The following GALNTL6 variants were observed in gnomAD, a reference collection of about 807,000 sequenced individuals.
GALNTL6 encodes the protein polypeptide N-acetylgalactosaminyltransferase-like 6.
A neutral mutation model predicts 73.7 loss-of-function variants in GALNTL6; 46 were observed. The observed-to-expected ratio is 0.62, with a 90% CI of 0.49 to 0.80. GALNTL6 has a LOEUF of 0.80. GALNTL6 is among the 30% of genes least tolerant of loss of function. GALNTL6 has a pLI of 0.00. For missense variants in GALNTL6, 604 were observed against 755.0 expected, an observed-to-expected ratio of 0.80 and a Z score of 2.34; for synonymous variants, 259 against 263.7, an observed-to-expected ratio of 0.98 and a Z score of 0.17.
chr4:172,413,871 C>T (rs1253011761), intron 5 of GALNTL6, among the ~76,000 whole-genome samples: 1 of 152,030 alleles, frequency 6.6e-6, no homozygotes, highest in Non-Finnish European at 1.5e-5. Context: ...CCTGATCTTT[C>T]CCCAAATGTC....
At chr4:171,870,405 G>C (rs891498979) in intron 2 of GALNTL6, among the ~76,000 whole-genome samples, 2 of 152,172 alleles carry the variant, frequency 1.3e-5, no homozygotes, top group African/African-American at 4.8e-5. Flanking sequence ...CCATGCCCTT[G>C]ATGACAAACT....
Position 172,185,162 on chromosome 4 carries a change from G to A in GALNTL6, c.139-44494G>A, listed in dbSNP as rs944774092. ...CTACAGTGCTATTACTCGTTATATA[G>A]AGGAAGAGTGGAATTAAATTTGGAG... On this transcript the variant is annotated intron_variant, in intron 2 of 12. Coordinates refer to ENST00000506823, the MANE Select transcript of GALNTL6 (RefSeq NM_001034845.3). Among the ~76,000 whole-genome samples, 9 of 152,136 alleles carry A rather than the reference G, an allele frequency of 5.9e-5. No individual in the cohort carries two copies. In the South Asian group the frequency reaches 1.9e-3, roughly 31 times the overall value.
At chr4:171,907,256 A>C (rs563987768) in intron 2 of GALNTL6, among the ~76,000 whole-genome samples, 1 of 152,320 alleles carries the variant, frequency 6.6e-6, no homozygotes, top group South Asian at 2.1e-4. Context: ...CCATTGTCTC[A>C]GCCCAAAATC....
At chr4:172,351,122 T>C (rs1034366631) in intron 5 of GALNTL6, among the ~76,000 whole-genome samples, 7 of 152,098 alleles carry the variant, frequency 4.6e-5, no homozygotes, top group African/African-American at 1.7e-4. Flanking sequence ...AGTATAAATG[T>C]CTATACTTTC....
intron 5 of GALNTL6, among the ~76,000 whole-genome samples, chr4:172,665,918 T>C (rs1051179425): frequency 3.3e-5 from 5 of 152,212 alleles, no homozygotes; most frequent in Non-Finnish European, 5.9e-5. Context: ...TCCTAGACTA[T>C]GCTAAGTATT....
Position 172,528,319 on chromosome 4 carries a change from AATATATATATATAT to A in GALNTL6, c.553+179663_553+179676del, listed in dbSNP as rs3083419. ...AATACATTTGGCTTGCTAGAAATAA[AATATATATATATAT>A]ATATATATATATATATATATATATA... On this transcript the variant is annotated intron_variant, in intron 5 of 12. Coordinates refer to ENST00000506823, the MANE Select transcript of GALNTL6 (RefSeq NM_001034845.3). Among the ~76,000 whole-genome samples, 160 of 103,678 alleles carry A rather than the reference AATATATATATATAT, an allele frequency of 1.5e-3. 2 individuals are homozygous for A. The highest frequency in any genetic ancestry group is 0.013 in the South Asian group (49 of 3,636). The allele number at this position is 103,678 out of a possible 152,430, so 68.0% of individuals were successfully genotyped here. A position where few individuals can be genotyped will look rare whatever the true frequency, so the allele number is the denominator to read the frequency against.
At chr4:172,339,318 G>A (rs891153935) in intron 4 of GALNTL6, among the ~76,000 whole-genome samples, 1 of 110,212 alleles carries the variant, frequency 9.1e-6, no homozygotes, top group East Asian at 3.4e-4. Context: ...CACACACAGA[G>A]TTTCCAGGTC....
intron 12 of GALNTL6, among the ~76,000 whole-genome samples, chr4:173,036,004 A>G (rs1475175888): frequency 6.6e-6 from 1 of 152,086 alleles, no homozygotes; most frequent in Non-Finnish European, 1.5e-5. Context: ...GTGATTTTAT[A>G]TCTATTAACT....
intron 5 of GALNTL6, among the ~76,000 whole-genome samples, chr4:172,713,301 T>A (rs999337161): frequency 6.7e-6 from 1 of 150,102 alleles, no homozygotes; most frequent in African/African-American, 2.4e-5. Context: ...TTTTAAGGAA[T>A]TGGCTCACAT....
At chr4:172,844,422 G>C (rs185718681) in intron 7 of GALNTL6, among the ~76,000 whole-genome samples, 3 of 152,214 alleles carry the variant, frequency 2.0e-5, no homozygotes, top group Admixed American at 6.5e-5. Context: ...CTCAGGCATC[G>C]ACAGCTAGAG....
At chr4:173,009,434 C>A in intron 11 of GALNTL6, 140 bp downstream of exon 11, 1 of 620,496 alleles carries the variant, frequency 1.6e-6, no homozygotes, top group East Asian at 2.7e-5. Flanking sequence ...TATCACCAAC[C>A]AGCTCTGCAG....
intron 2 of GALNTL6, among the ~76,000 whole-genome samples, chr4:171,988,727 A>T (rs955466230): frequency 1.2e-4 from 19 of 152,192 alleles, no homozygotes; most frequent in Admixed American, 2.0e-4. Flanking sequence ...GTAACAGGTG[A>T]GTGATAACAG....
At chr4:172,854,943 CA>C (rs1457598897) in intron 7 of GALNTL6, among the ~76,000 whole-genome samples, 3 of 152,068 alleles carry the variant, frequency 2.0e-5, no homozygotes, top group Non-Finnish European at 4.4e-5. Context: ...GGCAAAATAA[CA>C]GTAGGTGGTA....
At chr4:172,931,930 T>C (rs1748363377) in intron 9 of GALNTL6, among the ~76,000 whole-genome samples, 1 of 152,232 alleles carries the variant, frequency 6.6e-6, no homozygotes, top group South Asian at 2.1e-4. Context: ...CATCTCCAAA[T>C]AATCCTGACA....
chr4:172,815,144 G>A (rs981721012), intron 7 of GALNTL6, among the ~76,000 whole-genome samples: 1 of 152,152 alleles, frequency 6.6e-6, no homozygotes, highest in Non-Finnish European at 1.5e-5. Flanking sequence ...AGGGGCTTAA[G>A]GTGGGACGAG....
intron 2 of GALNTL6, among the ~76,000 whole-genome samples, chr4:172,127,960 C>G (rs181903047): frequency 3.4e-4 from 51 of 152,000 alleles, no homozygotes; most frequent in African/African-American, 1.2e-3. Flanking sequence ...CAAAAACTAG[C>G]TGGTCATGGT....
chr4:172,559,105 C>A, intron 5 of GALNTL6, among the ~76,000 whole-genome samples: 1 of 110,438 alleles, frequency 9.1e-6, no homozygotes, highest in South Asian at 3.2e-4. Context: ...CTCGCTCTGT[C>A]ACCCAGGCTG....
At chr4:172,141,675 T>C (rs539981008) in intron 2 of GALNTL6, among the ~76,000 whole-genome samples, 1 of 151,962 alleles carries the variant, frequency 6.6e-6, no homozygotes, top group Non-Finnish European at 1.5e-5. Flanking sequence ...GATGGCAGAA[T>C]TGAAGTTCTA....
intron 2 of GALNTL6, among the ~76,000 whole-genome samples, chr4:171,849,388 G>A (rs547539904): frequency 1.3e-5 from 2 of 152,140 alleles, no homozygotes; most frequent in Admixed American, 1.3e-4. Context: ...AATAATAATA[G>A]GAAGTGCTTT....
Sources: gnomAD v4.1 joint callset for allele counts (sites outside exome capture counted in the v4.1 genomes callset) on GRCh38, gnomAD v4.1.1 for gene constraint, MANE v1.5 for transcripts, NCBI Gene and HGNC (gene_info 2026-07-23, HGNC 2026-07-21) for gene names.